Variants in SDK1 observed in about 807,000 individuals in gnomAD.
SDK1 encodes the protein protein sidekick-1.
Under a neutral mutation model 245.5 loss-of-function variants are expected in SDK1, and 157 were observed. The observed-to-expected ratio is 0.64, with a 90% CI of 0.56 to 0.73. SDK1 has a LOEUF of 0.73. Ranked by LOEUF, SDK1 falls within the 30% of genes least tolerant of loss-of-function variation. The probability of loss-of-function intolerance (pLI) is 0.00; values close to 1 mark genes in which losing one functional copy is unlikely to be tolerated. For missense variants in SDK1, 3,583 were observed against 3,002.3 expected, an observed-to-expected ratio of 1.19 and a Z score of -4.52; for synonymous variants, 1,647 against 1,278.5, an observed-to-expected ratio of 1.29 and a Z score of -6.15.
chr7:4,226,664 C>G (rs574326853), intron 40 of SDK1, among the ~76,000 whole-genome samples: 1 of 152,200 alleles, frequency 6.6e-6, no homozygotes, highest in Non-Finnish European at 1.5e-5. Context: ...CTGGCCCACA[C>G]GTTCCTTTCT....
rs140931976 is a variant in SDK1, at chr7:3,677,806, C to T, written c.713+35701C>T. Among the ~76,000 whole-genome samples the T allele has an allele frequency of 1.9e-3, 282 of 152,224 alleles. 2 individuals carry two copies. Among genetic ancestry groups the T allele is most frequent in the African/African-American group, 6.5e-3 (268 of 41,540 alleles). ...TTAGTGGAGGGATAGACACATAGTT[C>T]AGTGGATGGAGTAGAGAACCCAGAA... On this transcript the variant is annotated intron_variant, in intron 4 of 44. Coordinates refer to ENST00000404826, the MANE Select transcript of SDK1 (RefSeq NM_152744.4).
intron 1 of SDK1, among the ~76,000 whole-genome samples, chr7:3,312,580 A>T (rs553850863): frequency 3.3e-5 from 5 of 149,398 alleles, no homozygotes; most frequent in African/African-American, 7.6e-5. Flanking sequence ...TTTTTTTTTA[A>T]AAAAAATAAC....
At chr7:3,828,475 C>G (rs1330249553) in intron 5 of SDK1, among the ~76,000 whole-genome samples, 2 of 151,614 alleles carry the variant, frequency 1.3e-5, no homozygotes, top group Non-Finnish European at 2.9e-5. Context: ...TTGAGAGATG[C>G]ATTTCTAGTT....
At chr7:3,552,029 CTCTTCT>C (rs542552208) in intron 1 of SDK1, among the ~76,000 whole-genome samples, 5 of 151,562 alleles carry the variant, frequency 3.3e-5, no homozygotes, top group Non-Finnish European at 5.9e-5. Flanking sequence ...AAAGATTTTA[CTCTTCT>C]TCTTCTTCTT....
intron 2 of SDK1, among the ~76,000 whole-genome samples, chr7:3,625,190 TAAAC>T (rs1390024385): frequency 2.0e-5 from 3 of 152,006 alleles, no homozygotes; most frequent in Non-Finnish European, 2.9e-5. Flanking sequence ...AATGGAAACA[TAAAC>T]AAAGGGAATA....
rs543172412 is a variant in SDK1 at position 4,017,468 on chromosome 7, G to A, written c.2602+116G>A. 8 of 849,368 alleles carry A rather than the reference G, an allele frequency of 9.4e-6. No individual in the cohort carries two copies. The East Asian group carries it at 1.1e-4, about 12-fold the overall frequency. 52.6% of individuals were successfully genotyped at this position (849,368 alleles called of 1,614,324 possible). ...CAGAGAATCCAGTCCCCTAGGGAGC[G>A]TTTACAAGAAAATTCATCACGTATT... On this transcript the variant is annotated intron_variant, in intron 17 of 44. Coordinates refer to ENST00000404826, the MANE Select transcript of SDK1 (RefSeq NM_152744.4).
intron 4 of SDK1, among the ~76,000 whole-genome samples, chr7:3,659,204 G>A (rs1028767191): frequency 6.6e-6 from 1 of 152,038 alleles, no homozygotes; most frequent in African/African-American, 2.4e-5. Context: ...TACGTTCTGT[G>A]GGGGTAAAGA....
chr7:4,199,894 C>G (rs1783790315), intron 35 of SDK1, among the ~76,000 whole-genome samples: 1 of 152,130 alleles, frequency 6.6e-6, no homozygotes, highest in Admixed American at 6.6e-5. Flanking sequence ...TTCTGTCATC[C>G]TCACTGACAC....
chr7:3,817,730 A>G (rs12155211), intron 4 of SDK1, among the ~76,000 whole-genome samples: 23,035 of 152,156 alleles, frequency 0.15, 1,937 homozygotes, highest in Middle Eastern at 0.34. Context: ...CATCATCTCA[A>G]TGCAGGTGGT....
intron 1 of SDK1, among the ~76,000 whole-genome samples, chr7:3,394,154 T>C (rs1781832889): frequency 6.6e-6 from 1 of 151,780 alleles, no homozygotes; most frequent in South Asian, 2.1e-4. Flanking sequence ...ATTGTTCTCC[T>C]CCTTTTCTCC....
chr7:4,068,782 C>T (rs1807027), intron 20 of SDK1, among the ~76,000 whole-genome samples: 33,222 of 151,818 alleles, frequency 0.22, 4,932 homozygotes, highest in African/African-American at 0.42. Context: ...AGTGCGGTGG[C>T]GTGATCTCGG....
intron 1 of SDK1, among the ~76,000 whole-genome samples, chr7:3,362,580 C>A (rs1003618582): frequency 6.6e-6 from 1 of 151,938 alleles, no homozygotes; most frequent in African/African-American, 2.4e-5. Context: ...AGCATAATTG[C>A]GTTTTTCTTT....
At chr7:3,577,297 C>G (rs1183629007) in intron 1 of SDK1, among the ~76,000 whole-genome samples, 1 of 152,078 alleles carries the variant, frequency 6.6e-6, no homozygotes, top group East Asian at 1.9e-4. Context: ...GAGATTGGTT[C>G]TGTTATTTAC....
At chr7:4,220,515 G>GT (rs34675135) in intron 39 of SDK1, among the ~76,000 whole-genome samples, 27,662 of 140,418 alleles carry the variant, frequency 0.2, 3,096 homozygotes, top group Non-Finnish European at 0.25. Context: ...AGTTTTAGTT[G>GT]TTTTTTTTTT....
chr7:4,254,509 T>C (rs530710161), intron 44 of SDK1, among the ~76,000 whole-genome samples: 1 of 152,324 alleles, frequency 6.6e-6, no homozygotes, highest in African/African-American at 2.4e-5. Flanking sequence ...TCTTCAATTG[T>C]CATCATACCT....
intron 1 of SDK1, among the ~76,000 whole-genome samples, chr7:3,304,637 A>G (rs776982337): frequency 1.6e-4 from 25 of 152,148 alleles, no homozygotes; most frequent in Admixed American, 2.6e-4. Flanking sequence ...CACCTGGGGA[A>G]TTTGATGAAG....
At chr7:4,184,228 G>A (rs921434058) in intron 35 of SDK1, among the ~76,000 whole-genome samples, 1 of 152,238 alleles carries the variant, frequency 6.6e-6, no homozygotes, top group Admixed American at 6.5e-5. Context: ...TCGTGGGCCC[G>A]AAATGCTCAA....
intron 4 of SDK1, among the ~76,000 whole-genome samples, chr7:3,794,922 G>A (rs1023987840): frequency 2.7e-5 from 4 of 148,868 alleles, no homozygotes; most frequent in Non-Finnish European, 4.4e-5. Flanking sequence ...AAATATTAAT[G>A]AGCTTTTTAT....
intron 19 of SDK1, among the ~76,000 whole-genome samples, chr7:4,053,328 A>C: frequency 6.7e-6 from 1 of 149,704 alleles, no homozygotes. Flanking sequence ...TTCCCACTTC[A>C]CCCTTTATTT....
Sources: gnomAD v4.1 joint callset for allele counts (sites outside exome capture counted in the v4.1 genomes callset) on GRCh38, gnomAD v4.1.1 for gene constraint, MANE v1.5 for transcripts, NCBI Gene and HGNC (gene_info 2026-07-23, HGNC 2026-07-21) for gene names.